ULK4: variants seen among roughly 807,000 people sequenced by gnomAD.
ULK4 encodes the protein inactive serine/threonine-protein kinase ULK4.
Under a neutral mutation model 160.6 loss-of-function variants are expected in ULK4, and 133 were observed. The observed-to-expected ratio is 0.83, with a 90% CI of 0.72 to 0.96. ULK4 has a LOEUF of 0.96. ULK4 is among the 40% of genes least tolerant of loss of function. The probability of loss-of-function intolerance (pLI) is 0.00; values close to 1 mark genes in which losing one functional copy is unlikely to be tolerated. For synonymous variants in ULK4, 534 were observed against 539.8 expected, an observed-to-expected ratio of 0.99 and a Z score of 0.15; for missense variants, 1,580 against 1,499.5, an observed-to-expected ratio of 1.05 and a Z score of -0.89.
chr3:41,301,706 A>G (rs1005576945), intron 35 of ULK4, among the ~76,000 whole-genome samples: 27 of 152,164 alleles, frequency 1.8e-4, no homozygotes, highest in African/African-American at 6.0e-4. Flanking sequence ...AAAACCATAA[A>G]ATCAAAAGGC....
chr3:41,703,285 G>A (rs2036747638), intron 27 of ULK4, among the ~76,000 whole-genome samples: 1 of 151,414 alleles, frequency 6.6e-6, no homozygotes, highest in South Asian at 2.1e-4. Context: ...ACCTCATAAT[G>A]GGCTATAAAC....
At chr3:41,840,257 T>G (rs773421708) in intron 17 of ULK4, among the ~76,000 whole-genome samples, 1 of 152,190 alleles carries the variant, frequency 6.6e-6, no homozygotes, top group East Asian at 1.9e-4. Flanking sequence ...AGCAAGACCC[T>G]GTCTCTACAA....
intron 32 of ULK4, among the ~76,000 whole-genome samples, chr3:41,466,207 C>G (rs2083829680): frequency 6.6e-6 from 1 of 152,148 alleles, no homozygotes; most frequent in Non-Finnish European, 1.5e-5. Flanking sequence ...AGACACTTCT[C>G]CAAGGAGCCC....
chr3:41,757,814 A>G (rs1324763250), intron 21 of ULK4, among the ~76,000 whole-genome samples: 1 of 151,592 alleles, frequency 6.6e-6, no homozygotes. Flanking sequence ...TTTTTAGTAG[A>G]GACAGATTTT....
intron 32 of ULK4, among the ~76,000 whole-genome samples, chr3:41,523,120 G>T (rs969737673): frequency 6.6e-6 from 1 of 152,044 alleles, no homozygotes; most frequent in African/African-American, 2.4e-5. Flanking sequence ...TGTTGGCCAG[G>T]CTGGTCACGA....
chr3:41,780,165 A>G lies in ULK4; in HGVS notation c.2193+9496T>C, dbSNP rs531491343. On this transcript the variant is annotated intron_variant, in intron 21 of 36. Transcript: ENST00000301831. ...AGTCTCTACCGAAAATACAAAAAAAAAGCCGAGTGTGGTGGCACACACCTG... is the reference window on the plus strand; with the variant it reads ...AGTCTCTACCGAAAATACAAAAAAAGAGCCGAGTGTGGTGGCACACACCTG... 1.5e-4 allele frequency among the ~76,000 whole-genome samples: 23 copies of G among 151,612 alleles called. No individual in the cohort carries two copies. The East Asian group carries it at 4.5e-3, about 30-fold the overall frequency.
At position 41,290,154 on chromosome 3, in the gene ULK4, C is replaced by T. The variant is rs138685484; in HGVS notation, c.3679-40580G>A. Among the ~76,000 whole-genome samples, 813 of 152,212 alleles carry T rather than the reference C, an allele frequency of 5.3e-3. 13 individuals carry two copies. The highest frequency in any genetic ancestry group is 0.019 in the African/African-American group (770 of 41,532). On this transcript the variant is annotated intron_variant, in intron 35 of 36. Transcript: ENST00000301831. ...CCTCCCAAAGTGCTAGGATTACAGG[C>T]GTGAGCCACCATGCCCAGCCCAACT... is the stretch of plus-strand genomic sequence containing the variant.
intron 34 of ULK4, among the ~76,000 whole-genome samples, chr3:41,429,790 A>G (rs907797437): frequency 9.9e-5 from 15 of 152,128 alleles, no homozygotes; most frequent in Admixed American, 9.2e-4. Context: ...TAGCTAATGC[A>G]TGCTGGCTGG....
intron 34 of ULK4, among the ~76,000 whole-genome samples, chr3:41,403,164 AAG>A (rs1319379876): frequency 2.0e-5 from 3 of 152,114 alleles, no homozygotes; most frequent in African/African-American, 7.2e-5. Flanking sequence ...AAAAAAAAAA[AAG>A]TAATTATATA....
intron 5 of ULK4, among the ~76,000 whole-genome samples, chr3:41,920,651 A>C (rs1287387950): frequency 6.6e-6 from 1 of 152,146 alleles, no homozygotes; most frequent in African/African-American, 2.4e-5. Context: ...CCCGCCTCCC[A>C]ATGAGAATCT....
At chr3:41,303,468 G>A (rs753516611) in intron 35 of ULK4, among the ~76,000 whole-genome samples, 3 of 152,186 alleles carry the variant, frequency 2.0e-5, no homozygotes, top group Non-Finnish European at 4.4e-5. Flanking sequence ...AGCACATTAA[G>A]AATAACATGC....
chr3:41,814,908 C>CTTTT (rs201381514), intron 19 of ULK4, among the ~76,000 whole-genome samples: 87 of 127,436 alleles, frequency 6.8e-4, no homozygotes, highest in African/African-American at 2.7e-3. Flanking sequence ...TAATTCTGTC[C>CTTTT]TTTTTTTTTT....
At position 41,639,295 on chromosome 3, in the gene ULK4, T is replaced by C. The variant is rs547374798; in HGVS notation, c.3072-23578A>G. Among the ~76,000 whole-genome samples the C allele has an allele frequency of 8.5e-5, 13 of 152,350 alleles. No individual in the cohort carries two copies. In the East Asian group the frequency reaches 2.5e-3, roughly 29 times the overall value. On this transcript the variant is annotated intron_variant, in intron 30 of 36. Transcript: ENST00000301831. ...GACAATGTTTCTTGTTGCCACTGTC[T>C]TCAGTGCTGCATATTTTAACATCAT...
intron 34 of ULK4, among the ~76,000 whole-genome samples, chr3:41,407,501 G>A (rs1042541246): frequency 6.6e-6 from 1 of 152,074 alleles, no homozygotes; most frequent in Non-Finnish European, 1.5e-5. Flanking sequence ...AACCAAATCA[G>A]CAATATATGA....
chr3:41,866,155 A>G (rs1158542030), intron 17 of ULK4, among the ~76,000 whole-genome samples: 1 of 152,202 alleles, frequency 6.6e-6, no homozygotes, highest in African/African-American at 2.4e-5. Flanking sequence ...ATTTCCCTCA[A>G]TTGAGTTGGT....
At chr3:41,685,322 A>G (rs981290828) in intron 27 of ULK4, among the ~76,000 whole-genome samples, 2 of 152,156 alleles carry the variant, frequency 1.3e-5, no homozygotes, top group African/African-American at 4.8e-5. Context: ...TCAGCAGGGA[A>G]TGAGACAGAG....
intron 35 of ULK4, among the ~76,000 whole-genome samples, chr3:41,267,691 A>C (rs1167804756): frequency 6.6e-6 from 1 of 152,140 alleles, no homozygotes; most frequent in Non-Finnish European, 1.5e-5. Context: ...CTTAGAGCCT[A>C]ATTTGACATC....
intron 20 of ULK4, among the ~76,000 whole-genome samples, chr3:41,797,510 G>T (rs995419490): frequency 6.6e-6 from 1 of 152,100 alleles, no homozygotes; most frequent in Non-Finnish European, 1.5e-5. Context: ...TAAATGACGT[G>T]AAAAATACAA....
chr3:41,757,933 C>T (rs1436255063), intron 21 of ULK4, among the ~76,000 whole-genome samples: 7 of 152,074 alleles, frequency 4.6e-5, no homozygotes, highest in Admixed American at 2.0e-4. Flanking sequence ...GGCCGAAATG[C>T]TCTGATTTTA....
Sources: allele counts gnomAD v4.1 joint callset (sites outside exome capture counted in the v4.1 genomes callset), GRCh38; gene constraint gnomAD v4.1.1; transcripts MANE v1.5; gene names NCBI Gene and HGNC (gene_info 2026-07-23, HGNC 2026-07-21).